RASEF: variants seen among roughly 807,000 people sequenced by gnomAD.
RASEF encodes ras and EF-hand domain-containing protein.
RASEF carries 68 observed loss-of-function variants against 90.1 expected under a neutral mutation model. The observed-to-expected ratio is 0.75, with a 90% CI of 0.62 to 0.92. The LOEUF is 0.92. Among genes scored for constraint, RASEF ranks in the 40% least tolerant of loss-of-function variants. The probability of loss-of-function intolerance (pLI) is 0.00; values close to 1 mark genes in which losing one functional copy is unlikely to be tolerated. For missense variants in RASEF, 949 were observed against 937.2 expected (o/e 1.01, Z -0.16); for synonymous variants, 331 against 345.2 (o/e 0.96, Z 0.46).
At chr9:83,042,880 AG>A (rs1369393530) in intron 1 of RASEF, among the ~76,000 whole-genome samples, 27 of 152,196 alleles carry the variant, frequency 1.8e-4, no homozygotes, top group Admixed American at 1.6e-3. Flanking sequence ...CCAGGAAGGA[AG>A]GAAGTACTGA....
the RASEF span, among the ~76,000 whole-genome samples, chr9:83,084,077 T>A: frequency 6.6e-6 from 1 of 152,108 alleles, no homozygotes; most frequent in Admixed American, 6.6e-5. Context: ...AAATGATGGA[T>A]AACAAGAACG....
rs779391714 is a variant in RASEF at position 82,998,347 on chromosome 9, G to A, written c.1805+18C>T. ...ATGCAAACCCAGGATATCCCATAGC[G>A]CTGCGGAATGCACTTGCCTCTCCTG... is the stretch of plus-strand genomic sequence containing the variant. On this transcript the variant is annotated intron_variant, in intron 13 of 16. Transcript: ENST00000376447. 9.6e-6 allele frequency: 15 copies of A among 1,556,632 alleles called. No homozygotes were observed. The highest frequency in any genetic ancestry group is 5.6e-5 in the South Asian group (5 of 89,800).
At chr9:83,065,763 C>A (rs1009062569), upstream of RASEF, among the ~76,000 whole-genome samples, 1 of 152,186 alleles carries the variant, frequency 6.6e-6, no homozygotes, top group African/African-American at 2.4e-5. Flanking sequence ...ATTATTCTAT[C>A]ATTCTCTACT....
At chr9:83,097,115 C>A in the RASEF span, among the ~76,000 whole-genome samples, 1 of 152,200 alleles carries the variant, frequency 6.6e-6, no homozygotes, top group Non-Finnish European at 1.5e-5. Context: ...GTCTTTATAG[C>A]AGCATGGCTT....
Position 82,981,959 on chromosome 9 carries a change from CAT to C in RASEF, c.*716_*717del, listed in dbSNP as rs1032565692. ...TATATACAACTATTTTTGTCTCAAA[CAT>C]GTTTCTTTATACATAAAAAATAGAT... On this transcript the variant is annotated 3_prime_UTR_variant, in exon 17 of 17. Coordinates refer to ENST00000376447, the MANE Select transcript of RASEF (RefSeq NM_152573.4). The C allele has an allele frequency of 6.6e-6, 1 of 152,200 alleles. No homozygotes were observed. The highest frequency in any genetic ancestry group is 2.4e-5 in the African/African-American group (1 of 41,462). The allele number at this position is 152,200 out of a possible 1,614,324, so 9.4% of individuals were successfully genotyped here. A position where few individuals can be genotyped will look rare whatever the true frequency, so the allele number is the denominator to read the frequency against.
chr9:83,094,366 T>C, the RASEF span, among the ~76,000 whole-genome samples: 1 of 146,014 alleles, frequency 6.8e-6, no homozygotes. Context: ...TATGTTAAAA[T>C]GATAATATTT....
the RASEF span, among the ~76,000 whole-genome samples, chr9:83,149,877 CCAA>C: frequency 6.6e-6 from 1 of 152,152 alleles, no homozygotes; most frequent in Non-Finnish European, 1.5e-5. Context: ...TTATTTAACA[CCAA>C]CAAGTCATCT....
chr9:83,065,981 AT>A (rs1409156292), upstream of RASEF, among the ~76,000 whole-genome samples: 2 of 152,156 alleles, frequency 1.3e-5, no homozygotes, highest in East Asian at 3.9e-4. Context: ...AAAAATGTCA[AT>A]TGTGCTGAGG....
intron 12 of RASEF, among the ~76,000 whole-genome samples, chr9:82,998,783 G>T (rs1828969915): frequency 6.6e-6 from 1 of 152,050 alleles, no homozygotes; most frequent in South Asian, 2.1e-4. Flanking sequence ...GTATGAGTGG[G>T]CATGCATGAA....
At chr9:83,127,715 G>A in the RASEF span, among the ~76,000 whole-genome samples, 1 of 152,204 alleles carries the variant, frequency 6.6e-6, no homozygotes, top group Non-Finnish European at 1.5e-5. Flanking sequence ...GGGTGGGACA[G>A]GCAATCCTTT....
chr9:83,184,621 G>A, the RASEF span, among the ~76,000 whole-genome samples: 1 of 151,810 alleles, frequency 6.6e-6, no homozygotes, highest in Non-Finnish European at 1.5e-5. Context: ...ACAAGTTCAA[G>A]CCCTATTTCA....
chr9:83,046,633 TA>T (rs751413693), intron 1 of RASEF, among the ~76,000 whole-genome samples: 13 of 152,228 alleles, frequency 8.5e-5, no homozygotes, highest in African/African-American at 1.2e-4. Flanking sequence ...AGGAGTATCC[TA>T]AAATGGATTT....
the RASEF span, among the ~76,000 whole-genome samples, chr9:83,161,102 C>T: frequency 6.6e-6 from 1 of 152,186 alleles, no homozygotes; most frequent in African/African-American, 2.4e-5. Flanking sequence ...GGTCTGAGCC[C>T]CCCCCACAGA....
At chr9:83,070,954 T>A in the RASEF span, among the ~76,000 whole-genome samples, 4 of 152,224 alleles carry the variant, frequency 2.6e-5, no homozygotes, top group Admixed American at 1.3e-4. Context: ...TTGATTTTTA[T>A]AATGATGAAC....
At chr9:83,075,022 CA>C in the RASEF span, among the ~76,000 whole-genome samples, 1 of 152,212 alleles carries the variant, frequency 6.6e-6, no homozygotes, top group Non-Finnish European at 1.5e-5. Context: ...AACTGACCAT[CA>C]TCTGCATAAC....
At chr9:83,138,655 T>C in the RASEF span, among the ~76,000 whole-genome samples, 1 of 152,198 alleles carries the variant, frequency 6.6e-6, no homozygotes, top group Admixed American at 6.5e-5. Flanking sequence ...AAACACACAA[T>C]TGGCTATTTT....
the RASEF span, among the ~76,000 whole-genome samples, chr9:83,155,754 T>A: frequency 3.3e-5 from 5 of 152,198 alleles, no homozygotes; most frequent in Non-Finnish European, 7.3e-5. Context: ...ATAAAAGTAC[T>A]AATGAGAATA....
chr9:83,100,428 T>G, the RASEF span, among the ~76,000 whole-genome samples: 1 of 152,186 alleles, frequency 6.6e-6, no homozygotes, highest in African/African-American at 2.4e-5. Flanking sequence ...AACCAACCAG[T>G]ATCACAAAGC....
intron 6 of RASEF, among the ~76,000 whole-genome samples, chr9:83,009,147 T>C (rs537378740): frequency 3.3e-5 from 5 of 151,822 alleles, no homozygotes; most frequent in African/African-American, 1.2e-4. Context: ...TATACACATA[T>C]CTATGCATTT....
Sources: gnomAD v4.1 joint callset for allele counts (sites outside exome capture counted in the v4.1 genomes callset) on GRCh38, gnomAD v4.1.1 for gene constraint, MANE v1.5 for transcripts, NCBI Gene and HGNC (gene_info 2026-07-23, HGNC 2026-07-21) for gene names.